TRA2A: variants seen among roughly 807,000 people sequenced by gnomAD.
TRA2A encodes the protein transformer-2 protein homolog alpha.
In TRA2A, 31 loss-of-function variants were observed where a neutral mutation model predicts 45.7. The observed-to-expected ratio is 0.68, with a 90% CI of 0.51 to 0.92. The LOEUF is 0.92. Ranked by LOEUF, TRA2A falls within the 40% of genes least tolerant of loss-of-function variation. TRA2A has a pLI of 0.00. For missense variants in TRA2A, 304 were observed against 367.5 expected (o/e 0.83, Z 1.41); for synonymous variants, 132 against 126.2 (o/e 1.05, Z -0.31).
intron 1 of TRA2A, 52 bp from the exon 2 acceptor site, chr7:23,521,892 A>G (rs1297562625): frequency 6.2e-7 from 1 of 1,606,772 alleles, no homozygotes; most frequent in Middle Eastern, 1.7e-4. Flanking sequence ...GATGCCTAAC[A>G]CCTAACATTT....
At chr7:23,512,580 T>A (rs1330727191) in intron 4 of TRA2A, among the ~76,000 whole-genome samples, 1 of 152,014 alleles carries the variant, frequency 6.6e-6, no homozygotes, top group Non-Finnish European at 1.5e-5. Flanking sequence ...TGCCTCAGAC[T>A]CCCGAGTAGC....
Position 23,506,252 on chromosome 7 carries a change from C to A in TRA2A, c.656G>T (p.Gly219Val). The A allele has an allele frequency of 6.2e-7, 1 of 1,607,172 alleles. No homozygotes were observed. The highest frequency in any genetic ancestry group is 8.5e-7 in the Non-Finnish European group (1 of 1,176,262). The change falls in exon 6 of 8, where the codon GGT (glycine) becomes GTT (valine). Residue 219 changes from glycine (G) to valine (V), a missense_variant. By Grantham distance (109) the Gly-to-Val change is moderately radical. Transcript: ENST00000297071. ...MGRPTHSGGG[G>V]GGGGGGGGGG... ...ACCTCCACCGCCGCCGCCTCCTCCA[C>A]CACCCCCACCACTACTGCAGAAAAA...
chr7:23,513,164 CAT>C, intron 3 of TRA2A, 82 bp from the exon 4 acceptor site: 11 of 887,826 alleles, frequency 1.2e-5, no homozygotes, highest in Non-Finnish European at 1.9e-5. Flanking sequence ...TAGAACACCT[CAT>C]CTAATACACA....
intron 1 of TRA2A, chr7:23,522,115 C>A: frequency 1.6e-6 from 2 of 1,277,868 alleles, no homozygotes; most frequent in Non-Finnish European, 2.0e-6. Flanking sequence ...GGAACATAAA[C>A]CATACATTTA....
In TRA2A at chr7:23,531,813, C is replaced by T. The variant is rs765373511; in HGVS notation, c.12G>A (p.Val4=). The T allele has an allele frequency of 1.9e-6, 3 of 1,613,856 alleles. No homozygotes were observed. Among genetic ancestry groups the T allele is most frequent in the Non-Finnish European group, 2.5e-6 (3 of 1,180,046 alleles). MSD[V]EENNFEGRES... ...CTCTGCCCTCGAAGTTGTTTTCCTC[C>T]ACATCACTCATGTCGACGAGGCGCT... The change falls in exon 1 of 8, where the codon GTG becomes GTA. Residue 4 remains valine, a synonymous_variant. Coordinates refer to ENST00000297071, the MANE Select transcript of TRA2A (RefSeq NM_013293.5).
Position 23,505,297 on chromosome 7 carries a change from T to A in TRA2A, c.*262A>T, listed in dbSNP as rs1230663954. On this transcript the variant is annotated 3_prime_UTR_variant, in exon 8 of 8. Transcript: ENST00000297071. ...ATCTAGGTAAAAGCAAAAAAAAAAATTTACAAAGCATAACATAACATTGGG... is the reference window on the plus strand; with the variant it reads ...ATCTAGGTAAAAGCAAAAAAAAAAAATTACAAAGCATAACATAACATTGGG... 5.9e-5 allele frequency: 21 copies of A among 358,838 alleles called. No homozygotes were observed. Among genetic ancestry groups the A allele is most frequent in the Admixed American group, 4.6e-5 (1 of 21,538 alleles). The allele number at this position is 358,838 out of a possible 1,614,324, so 22.2% of individuals were successfully genotyped here.
intron 1 of TRA2A, chr7:23,531,435 G>A: frequency 2.8e-6 from 1 of 351,342 alleles, no homozygotes; most frequent in Non-Finnish European, 5.0e-6. Flanking sequence ...GGACGGAGGG[G>A]AGCTCCCTGC....
At chr7:23,509,015 T>C (rs988102179) in intron 4 of TRA2A, among the ~76,000 whole-genome samples, 4 of 151,930 alleles carry the variant, frequency 2.6e-5, no homozygotes, top group South Asian at 2.1e-4. Context: ...CTCACACACA[T>C]ATATATATTT....
At chr7:23,531,579 A>G in intron 1 of TRA2A, 2 of 606,146 alleles carry the variant, frequency 3.3e-6, no homozygotes, top group East Asian at 2.8e-5. Context: ...GGTATCAGTC[A>G]GCCTCCAAAA....
chr7:23,526,895 CAT>C (rs1309165759), intron 1 of TRA2A, among the ~76,000 whole-genome samples: 1 of 152,100 alleles, frequency 6.6e-6, no homozygotes, highest in East Asian at 1.9e-4. Context: ...ATCATAAATA[CAT>C]GATTTAGTAA....
At position 23,505,066 on chromosome 7, in the gene TRA2A, C is replaced by CT. The variant is rs1426892195; in HGVS notation, c.*492dup. 2 of 152,568 alleles carry CT rather than the reference C, an allele frequency of 1.3e-5. No individual in the cohort carries two copies. Among genetic ancestry groups the CT allele is most frequent in the Admixed American group, 1.3e-4 (2 of 15,246 alleles). The allele number at this position is 152,568 out of a possible 1,614,324, so 9.5% of individuals were successfully genotyped here. On this transcript the variant is annotated 3_prime_UTR_variant, in exon 8 of 8. Coordinates refer to ENST00000297071, the MANE Select transcript of TRA2A (RefSeq NM_013293.5). ...ACAGGAGTTCACAAGCTTTTCATCT[C>CT]TAAAAAAAAACTTTCAACTACCTGA...
At chr7:23,505,883 C>T (rs1789312278) in intron 6 of TRA2A, 70 bp from the exon 7 acceptor site, 3 of 974,458 alleles carry the variant, frequency 3.1e-6, no homozygotes, top group Admixed American at 5.3e-5. Flanking sequence ...AATAAAAATT[C>T]CTCATCATTC....
At chr7:23,507,210 T>G in intron 5 of TRA2A, 1 of 521,414 alleles carries the variant, frequency 1.9e-6, no homozygotes, top group East Asian at 3.0e-5. Flanking sequence ...AAGTGATTCC[T>G]GTGCCTCAGC....
intron 3 of TRA2A, among the ~76,000 whole-genome samples, chr7:23,514,567 G>T (rs961295044): frequency 1.3e-5 from 2 of 151,606 alleles, no homozygotes; most frequent in Middle Eastern, 3.4e-3. Flanking sequence ...ATCTGTAATT[G>T]TTGATTTAGA....
chr7:23,506,114 A>G, intron 6 of TRA2A, 24 bp downstream of exon 6: 1 of 1,585,910 alleles, frequency 6.3e-7, no homozygotes, highest in Non-Finnish European at 8.6e-7. Flanking sequence ...AATTTAGAAC[A>G]GAAAGCTCAA....
In TRA2A at chr7:23,505,576, GAGAAAAAGCAAAAAAAAAAAAA is replaced by G. The variant is rs1789287031; in HGVS notation, c.839-29_839-8del. On this transcript the variant is annotated splice_polypyrimidine_tract_variant and splice_region_variant and intron_variant, in intron 7 of 7. Coordinates refer to ENST00000297071, the MANE Select transcript of TRA2A (RefSeq NM_013293.5). ...TTCCGTTATCAATAGCGTCCTAAAAGAGAAAAAGCAAAAAAAAAAAAAAAAAAAAAAAGTTAACAATTATAGT... is the reference window on the plus strand; with the variant it reads ...TTCCGTTATCAATAGCGTCCTAAAAGAAAAAAAAAAGTTAACAATTATAGT... 1.2e-5 allele frequency: 3 copies of G among 256,802 alleles called. No homozygotes were observed. The highest frequency in any genetic ancestry group is 5.1e-5 in the East Asian group (1 of 19,424). The allele number at this position is 256,802 out of a possible 1,614,324, so 15.9% of individuals were successfully genotyped here.
At chr7:23,522,420 C>A in intron 1 of TRA2A, 1 of 1,267,712 alleles carries the variant, frequency 7.9e-7, no homozygotes, top group Admixed American at 2.6e-5. Flanking sequence ...TCAATTTCTT[C>A]ACGAACATTA....
intron 1 of TRA2A, among the ~76,000 whole-genome samples, chr7:23,527,729 T>C (rs1790395692): frequency 2.0e-5 from 3 of 152,232 alleles, no homozygotes; most frequent in African/African-American, 7.2e-5. Flanking sequence ...CAAGGTTCTA[T>C]ATTCCATTTA....
intron 2 of TRA2A, among the ~76,000 whole-genome samples, chr7:23,521,216 T>C (rs1345947210): frequency 6.6e-6 from 1 of 152,158 alleles, no homozygotes; most frequent in Non-Finnish European, 1.5e-5. Flanking sequence ...TTCTCAATCG[T>C]TCTGACCAAC....
Sources: gnomAD v4.1 joint callset for allele counts (sites outside exome capture counted in the v4.1 genomes callset) on GRCh38, gnomAD v4.1.1 for gene constraint, MANE v1.5 for transcripts, NCBI Gene and HGNC (gene_info 2026-07-23, HGNC 2026-07-21) for gene names.